The following IQSEC1 variants were observed in gnomAD, a reference collection of about 807,000 sequenced individuals.
IQSEC1 encodes IQ motif and Sec7 domain ArfGEF 1, also known as IQ motif and SEC7 domain-containing protein 1.
IQSEC1 carries 31 observed loss-of-function variants against 91.0 expected under a neutral mutation model. The ratio of observed to expected loss-of-function variants is 0.34; its 90% CI spans 0.26 to 0.46. The LOEUF is 0.46. Among genes scored for constraint, IQSEC1 ranks in the 20% least tolerant of loss-of-function variants. IQSEC1 has a pLI of 1.00. For synonymous variants in IQSEC1, 699 were observed against 662.6 expected (o/e 1.05, Z -0.84); for missense variants, 1,388 against 1,575.6 (o/e 0.88, Z 2.02).
At position 12,974,506 on chromosome 3, in the gene IQSEC1, C is replaced by T. The variant is rs577327838; in HGVS notation, c.24-32641G>A. ...CTCTCCCAAATCCAGGGGCAGGGCC[C>T]GCGAAGAACAGTCCTGTGGTGTCTT... On this transcript the variant is annotated intron_variant, in intron 1 of 13. Coordinates refer to ENST00000613206, the MANE Select transcript of IQSEC1 (RefSeq NM_001134382.3). 5.3e-5 allele frequency among the ~76,000 whole-genome samples: 8 copies of T among 152,306 alleles called. No individual in the cohort carries two copies. The East Asian group carries it at 1.4e-3, about 26-fold the overall frequency.
chr3:12,899,988 C>T lies in IQSEC1; in HGVS notation c.*995G>A. On this transcript the variant is annotated 3_prime_UTR_variant, in exon 14 of 14. Transcript: ENST00000613206. ...AAAAGAAACATGGATCATGGAGAGT[C>T]ACAGTTATCGCAGCCATTAAAGTGT... is the stretch of plus-strand genomic sequence containing the variant. 1.0e-6 allele frequency: 1 copy of T among 985,234 alleles called. No individual in the cohort carries two copies. The highest frequency in any genetic ancestry group is 1.2e-6 in the Non-Finnish European group (1 of 829,854). 61.0% of individuals were successfully genotyped at this position (985,234 alleles called of 1,614,324 possible).
intron 2 of IQSEC1, among the ~76,000 whole-genome samples, chr3:13,093,345 T>G (rs649130): frequency 4.0e-5 from 6 of 151,852 alleles, no homozygotes; most frequent in Non-Finnish European, 7.4e-5. Flanking sequence ...GGATGCATGC[T>G]CCTCCAGCAT....
rs561614170 is a variant in IQSEC1 at position 13,214,707 on chromosome 3, G to A, written c.273-50574C>T. ...CACGAGCTGGTGTCCGGTGGAGCAC[G>A]GTCTCCAGGGAGCGGTGTTGAGGTC... On this transcript the variant is annotated intron_variant, in intron 1 of 15. Transcript: ENST00000648114. The surrounding 1 kb of genome is among the most constrained non-coding windows in gnomAD (Gnocchi z 4.5). Among the ~76,000 whole-genome samples the A allele has an allele frequency of 3.2e-4, 49 of 152,356 alleles. No homozygotes were observed. Among genetic ancestry groups the A allele is most frequent in the African/African-American group, 6.7e-4 (28 of 41,576 alleles).
At chr3:13,099,328 G>A (rs1374044791) in intron 2 of IQSEC1, among the ~76,000 whole-genome samples, 1 of 152,220 alleles carries the variant, frequency 6.6e-6, no homozygotes, top group Non-Finnish European at 1.5e-5. Context: ...TGAGGTTTCG[G>A]GTGTGCAGGA....
intron 1 of IQSEC1, among the ~76,000 whole-genome samples, chr3:13,276,276 G>C (rs971206510): frequency 6.6e-6 from 1 of 151,830 alleles, no homozygotes; most frequent in African/African-American, 2.4e-5. Context: ...TTTTAGTAGA[G>C]ACGGGGTTTC....
chr3:12,901,503 G>A lies in IQSEC1; in HGVS notation c.2825C>T (p.Pro942Leu), dbSNP rs1694302495. ...SNVEGSIISS[P>L]HMRRRATSTR... ...TGATGTAGCTCTCCGGCGCATGTGA[G>A]GACTGCTAATGATGGACCCCTAAAA... Residue 942 changes from proline to leucine, a missense_variant, in exon 14 of 14, where the codon CCT (proline) becomes CTT (leucine). Transcript: ENST00000613206. 3 of 1,549,824 alleles carry A rather than the reference G, an allele frequency of 1.9e-6. No individual in the cohort carries two copies. Among genetic ancestry groups the A allele is most frequent in the African/African-American group, 1.4e-5 (1 of 73,016 alleles).
At position 12,936,832 on chromosome 3, in the gene IQSEC1, A is replaced by G. The variant is rs1400345491; in HGVS notation, c.319-135T>C. The G allele has an allele frequency of 5.3e-6, 4 of 754,370 alleles. No individual in the cohort carries two copies. In the East Asian group the frequency reaches 1.1e-4, roughly 21 times the overall value. The allele number at this position is 754,370 out of a possible 1,614,324, so 46.7% of individuals were successfully genotyped here. On this transcript the variant is annotated intron_variant, in intron 2 of 13. Transcript: ENST00000613206. ...CCAAAGTTGGTCAAAGCAACTGCTG[A>G]GGGATGCTGGTGGGCTTATGCAAAA...
intron 2 of IQSEC1, among the ~76,000 whole-genome samples, chr3:13,147,933 G>A (rs1576271744): frequency 1.3e-5 from 2 of 152,288 alleles, no homozygotes; most frequent in East Asian, 3.9e-4. Context: ...ACGCCCAGCC[G>A]ACAGGTGTCT....
intron 2 of IQSEC1, among the ~76,000 whole-genome samples, chr3:12,937,276 C>T (rs1260353748): frequency 6.6e-6 from 1 of 152,152 alleles, no homozygotes; most frequent in African/African-American, 2.4e-5. Context: ...GTTGAGTGTC[C>T]CCAGTGTCTT....
At chr3:13,136,310 C>T (rs1706709361) in intron 2 of IQSEC1, among the ~76,000 whole-genome samples, 1 of 152,230 alleles carries the variant, frequency 6.6e-6, no homozygotes, top group Non-Finnish European at 1.5e-5. Flanking sequence ...TGAGGACCCA[C>T]AAGTGAACGG....
intron 2 of IQSEC1, among the ~76,000 whole-genome samples, chr3:13,086,564 A>C (rs994355477): frequency 6.6e-6 from 1 of 152,164 alleles, no homozygotes; most frequent in African/African-American, 2.4e-5. Context: ...AATGCAAATC[A>C]GACCCATCCC....
chr3:13,080,772 C>T (rs934176351), intron 2 of IQSEC1, among the ~76,000 whole-genome samples: 1 of 152,200 alleles, frequency 6.6e-6, no homozygotes, highest in Non-Finnish European at 1.5e-5. Flanking sequence ...CAGCCCCCGC[C>T]CTGCCGCTGT....
chr3:13,217,051 T>C (rs928097689), intron 1 of IQSEC1, among the ~76,000 whole-genome samples: 1 of 152,194 alleles, frequency 6.6e-6, no homozygotes, highest in Non-Finnish European at 1.5e-5. Flanking sequence ...TCTCCCCCAT[T>C]ACAGATGACA....
chr3:12,952,427 A>C (rs557236572), intron 1 of IQSEC1, among the ~76,000 whole-genome samples: 1 of 152,148 alleles, frequency 6.6e-6, no homozygotes, highest in Non-Finnish European at 1.5e-5. Context: ...CCTTCAACAC[A>C]GAGCCCGCAT....
Position 12,899,544 on chromosome 3 carries a change from A to G in IQSEC1, c.*1439T>C. ...CACAGAAGCGACAAGAGCACAGCTG[A>G]GAGTCATGTGATGCCCTGGCAGCTC... On this transcript the variant is annotated 3_prime_UTR_variant, in exon 14 of 14. Transcript: ENST00000613206. 2.0e-6 allele frequency: 3 copies of G among 1,512,718 alleles called. No individual in the cohort carries two copies. The highest frequency in any genetic ancestry group is 2.7e-6 in the Non-Finnish European group (3 of 1,120,962). The allele number at this position is 1,512,718 out of a possible 1,614,324, so 93.7% of individuals were successfully genotyped here.
chr3:13,041,820 G>A (rs1344328392), intron 1 of IQSEC1, among the ~76,000 whole-genome samples: 1 of 152,208 alleles, frequency 6.6e-6, no homozygotes, highest in African/African-American at 2.4e-5. Context: ...AGCCAGGAAA[G>A]GGACTGAACT....
chr3:13,018,242 T>C (rs1338281430), intron 1 of IQSEC1, among the ~76,000 whole-genome samples: 1 of 152,084 alleles, frequency 6.6e-6, no homozygotes, highest in African/African-American at 2.4e-5. Flanking sequence ...CAGAGGGGCA[T>C]CAGATGGCTA....
intron 1 of IQSEC1, among the ~76,000 whole-genome samples, chr3:13,265,743 G>A (rs1339921673): frequency 6.6e-6 from 1 of 151,952 alleles, no homozygotes; most frequent in Admixed American, 6.6e-5. Flanking sequence ...AGGGTCAAAG[G>A]ATACAACAAT....
At chr3:12,923,511 T>C (rs1696821375) in intron 4 of IQSEC1, among the ~76,000 whole-genome samples, 1 of 152,176 alleles carries the variant, frequency 6.6e-6, no homozygotes. Flanking sequence ...ATTCTGCTGG[T>C]GCCTGCCATG....
Sources: gnomAD v4.1 joint callset for allele counts (sites outside exome capture counted in the v4.1 genomes callset) on GRCh38, gnomAD v4.1.1 for gene constraint, Gnocchi (gnomAD v3.1) non-coding constraint, MANE v1.5 for transcripts, NCBI Gene and HGNC (gene_info 2026-07-23, HGNC 2026-07-21) for gene names.